ADAM18: variants seen among roughly 807,000 people sequenced by gnomAD.
ADAM18 encodes the protein disintegrin and metalloproteinase domain-containing protein 18.
ADAM18 carries 117 observed loss-of-function variants against 94.4 expected under a neutral mutation model. That is an observed-to-expected ratio of 1.24 (90% CI 1.07 to 1.45). The LOEUF (loss-of-function observed/expected upper bound fraction) is 1.45. ADAM18 is among the 40% of genes most tolerant of loss of function. The pLI, the probability that ADAM18 is intolerant of heterozygous loss-of-function variation, is 0.00. For synonymous variants in ADAM18, 327 were observed against 291.6 expected, an observed-to-expected ratio of 1.12 and a Z score of -1.24; for missense variants, 936 against 880.0, an observed-to-expected ratio of 1.06 and a Z score of -0.81.
chr8:39,630,700 A>G (rs1049521600), intron 7 of ADAM18, among the ~76,000 whole-genome samples: 6 of 151,912 alleles, frequency 3.9e-5, no homozygotes, highest in African/African-American at 1.4e-4. Flanking sequence ...GTTATCACCA[A>G]TCTTGCTCAT....
At chr8:39,632,648 A>G (rs1819960833) in intron 7 of ADAM18, among the ~76,000 whole-genome samples, 1 of 152,106 alleles carries the variant, frequency 6.6e-6, no homozygotes, top group African/African-American at 2.4e-5. Context: ...TCTTGTTATC[A>G]AGATTATCCT....
intron 17 of ADAM18, among the ~76,000 whole-genome samples, chr8:39,696,268 A>G (rs1218423961): frequency 2.6e-5 from 4 of 150,980 alleles, no homozygotes. Flanking sequence ...AGAATTATTT[A>G]TATATTTTGG....
intron 14 of ADAM18, among the ~76,000 whole-genome samples, chr8:39,672,429 G>A (rs1022291352): frequency 9.2e-5 from 14 of 152,186 alleles, no homozygotes; most frequent in East Asian, 3.8e-4. Context: ...TAGATATGCA[G>A]TAGCAGACAT....
intron 6 of ADAM18, among the ~76,000 whole-genome samples, chr8:39,620,718 A>G (rs931556996): frequency 2.7e-5 from 4 of 150,904 alleles, no homozygotes; most frequent in Non-Finnish European, 5.9e-5. Flanking sequence ...AGCATAGATG[A>G]ACTGATTAAC....
chr8:39,596,593 G>T (rs912049665), intron 2 of ADAM18, among the ~76,000 whole-genome samples: 1 of 152,172 alleles, frequency 6.6e-6, no homozygotes. Context: ...TGTGTTGGCT[G>T]CTTCTAAGAT....
chr8:39,611,858 A>G (rs894069179), intron 6 of ADAM18, among the ~76,000 whole-genome samples: 2 of 152,204 alleles, frequency 1.3e-5, no homozygotes, highest in East Asian at 3.9e-4. Flanking sequence ...AGACTATATG[A>G]TGTTCTTTCT....
At chr8:39,682,089 A>T (rs1821478024) in intron 16 of ADAM18, among the ~76,000 whole-genome samples, 1 of 152,188 alleles carries the variant, frequency 6.6e-6, no homozygotes. Flanking sequence ...AAGATTAGTC[A>T]AGATCAACTC....
chr8:39,675,874 G>A (rs1821287103), intron 14 of ADAM18, among the ~76,000 whole-genome samples: 1 of 152,162 alleles, frequency 6.6e-6, no homozygotes, highest in Non-Finnish European at 1.5e-5. Context: ...TCCTTCTAAT[G>A]GTCAGGTCCC....
At chr8:39,723,151 A>G (rs1189086240) in intron 18 of ADAM18, among the ~76,000 whole-genome samples, 4 of 149,258 alleles carry the variant, frequency 2.7e-5, no homozygotes, top group Admixed American at 1.4e-4. Flanking sequence ...GAATTGTGTG[A>G]TATCTCAACT....
chr8:39,599,191 T>A (rs1345367641), intron 2 of ADAM18, among the ~76,000 whole-genome samples: 1 of 152,238 alleles, frequency 6.6e-6, no homozygotes, highest in South Asian at 2.1e-4. Flanking sequence ...GATGATTACA[T>A]GAATTGATTT....
intron 16 of ADAM18, among the ~76,000 whole-genome samples, chr8:39,689,876 G>A (rs2129580811): frequency 6.6e-6 from 1 of 152,220 alleles, no homozygotes; most frequent in East Asian, 1.9e-4. Context: ...ATTTCTTTGA[G>A]CAGCGTTTTG....
At chr8:39,716,098 T>A (rs1487759192) in intron 18 of ADAM18, among the ~76,000 whole-genome samples, 1 of 151,986 alleles carries the variant, frequency 6.6e-6, no homozygotes, top group African/African-American at 2.4e-5. Flanking sequence ...CTCTCTCTTT[T>A]TTCTAGGTAA....
chr8:39,659,581 C>G (rs1202626607), intron 12 of ADAM18, among the ~76,000 whole-genome samples: 2 of 151,950 alleles, frequency 1.3e-5, no homozygotes, highest in Non-Finnish European at 2.9e-5. Context: ...TGCACATATC[C>G]ATCCATAGAA....
chr8:39,704,573 A>T (rs1405879469), intron 17 of ADAM18, among the ~76,000 whole-genome samples: 1 of 152,144 alleles, frequency 6.6e-6, no homozygotes, highest in Non-Finnish European at 1.5e-5. Flanking sequence ...AATACAAAGT[A>T]AATTCTATAA....
chr8:39,589,636 A>T (rs1428336521), intron 2 of ADAM18, among the ~76,000 whole-genome samples: 1 of 151,682 alleles, frequency 6.6e-6, no homozygotes, highest in Admixed American at 6.6e-5. Context: ...AAATATATAC[A>T]CCAACATGGG....
intron 2 of ADAM18, among the ~76,000 whole-genome samples, chr8:39,593,191 T>G: frequency 6.6e-6 from 1 of 152,198 alleles, no homozygotes; most frequent in East Asian, 1.9e-4. Flanking sequence ...TAAGGGAATG[T>G]TACGGCTGGT....
chr8:39,698,258 T>C (rs1023395164), intron 17 of ADAM18, among the ~76,000 whole-genome samples: 3 of 151,974 alleles, frequency 2.0e-5, no homozygotes, highest in Admixed American at 2.0e-4. Context: ...TTTCCATTTT[T>C]AAATTTCTTT....
At chr8:39,600,908 G>A (rs1165752863) in intron 2 of ADAM18, among the ~76,000 whole-genome samples, 1 of 152,118 alleles carries the variant, frequency 6.6e-6, no homozygotes, top group Non-Finnish European at 1.5e-5. Flanking sequence ...TTCTCACATT[G>A]CTATAAAGAA....
intron 12 of ADAM18, among the ~76,000 whole-genome samples, chr8:39,650,624 G>C (rs1820506337): frequency 6.6e-6 from 1 of 152,124 alleles, no homozygotes; most frequent in Non-Finnish European, 1.5e-5. Context: ...AAGCATTGTT[G>C]CAGGAATGAA....
Sources: gnomAD v4.1 joint callset for allele counts (sites outside exome capture counted in the v4.1 genomes callset) on GRCh38, gnomAD v4.1.1 for gene constraint, MANE v1.5 for transcripts, NCBI Gene and HGNC (gene_info 2026-07-23, HGNC 2026-07-21) for gene names.